Variants in ERMP1 observed in about 807,000 individuals in gnomAD.
ERMP1 encodes the protein endoplasmic reticulum metallopeptidase 1, also known as Felix-ina.
ERMP1 carries 86 observed loss-of-function variants against 92.0 expected under a neutral mutation model. That is an observed-to-expected ratio of 0.93 (90% CI 0.79 to 1.12). ERMP1 has a LOEUF of 1.12. ERMP1 is among the 50% of genes most tolerant of loss of function. The pLI is 0.00. For missense variants in ERMP1, 1,342 were observed against 1,116.3 expected, an observed-to-expected ratio of 1.20 and a Z score of -2.88; for synonymous variants, 530 against 412.8, an observed-to-expected ratio of 1.28 and a Z score of -3.44.
At position 5,813,911 on chromosome 9, in the gene ERMP1, T is replaced by C. The variant is rs1196433843; in HGVS notation, c.875-876A>G. Among the ~76,000 whole-genome samples the C allele has an allele frequency of 5.4e-5, 8 of 149,314 alleles. 1 individual carries two copies. The East Asian group carries it at 5.8e-4, about 11-fold the overall frequency. On this transcript the variant is annotated intron_variant, in intron 4 of 14. Transcript: ENST00000339450. Reference sequence around the variant, plus strand: ...ATATAATTATAATTATATAATTATATGTATAATTGTATAATTATTCACTCT... The same window carrying C: ...ATATAATTATAATTATATAATTATACGTATAATTGTATAATTATTCACTCT...
At chr9:5,790,827 A>T (rs1016698101) in intron 13 of ERMP1, among the ~76,000 whole-genome samples, 12 of 152,250 alleles carry the variant, frequency 7.9e-5, no homozygotes, top group Non-Finnish European at 1.2e-4. Flanking sequence ...AGAGACTCCA[A>T]TATTCCACTC....
At chr9:5,823,846 T>C in intron 4 of ERMP1, 50 bp downstream of exon 4, 2 of 1,300,676 alleles carry the variant, frequency 1.5e-6, no homozygotes, top group South Asian at 1.3e-5. Context: ...CTTTCTACTT[T>C]TACAAAAACT....
intron 6 of ERMP1, among the ~76,000 whole-genome samples, chr9:5,852,861 A>G (rs961903590): frequency 3.3e-5 from 5 of 152,158 alleles, no homozygotes; most frequent in Admixed American, 1.3e-4. Context: ...TGAGATAAAA[A>G]TCCTTTCCTG....
intron 12 of ERMP1, among the ~76,000 whole-genome samples, 163 bp downstream of exon 12, chr9:5,798,643 T>C (rs891680231): frequency 6.6e-6 from 1 of 151,324 alleles, no homozygotes; most frequent in African/African-American, 2.4e-5. Flanking sequence ...CTGAGTGCTT[T>C]ATTCCACTAA....
chr9:5,848,366 C>T (rs377377545), intron 6 of ERMP1, among the ~76,000 whole-genome samples: 20 of 152,246 alleles, frequency 1.3e-4, no homozygotes, highest in African/African-American at 3.8e-4. Flanking sequence ...AAAGCAGGGA[C>T]GTGGATCTGC....
chr9:5,823,246 G>A (rs541911438), intron 4 of ERMP1, among the ~76,000 whole-genome samples: 106 of 151,982 alleles, frequency 7.0e-4, no homozygotes, highest in Non-Finnish European at 1.4e-3. Flanking sequence ...CAGTGCACTC[G>A]AGCCTGGGTG....
chr9:5,805,018 T>A lies in ERMP1; in HGVS notation c.1914+9A>T, dbSNP rs1828817772. On this transcript the variant is annotated intron_variant, in intron 10 of 14. Transcript: ENST00000339450. The stretch of plus-strand genomic sequence containing the variant: ...ATGAAGAAAAAGAAAAAAACTTATT[T>A]TCTCTTACAAAATAGGACGAGAGAA... 2.5e-6 allele frequency: 4 copies of A among 1,584,992 alleles called. No homozygotes were observed. The highest frequency in any genetic ancestry group is 3.4e-6 in the Non-Finnish European group (4 of 1,171,018).
At chr9:5,795,427 A>G (rs1477956608) in intron 13 of ERMP1, among the ~76,000 whole-genome samples, 6 of 152,182 alleles carry the variant, frequency 3.9e-5, no homozygotes, top group Non-Finnish European at 8.8e-5. Context: ...AAAATTATAG[A>G]TATTAGGAAG....
At chr9:5,865,856 A>T (rs1389785288) in intron 5 of ERMP1, among the ~76,000 whole-genome samples, 1 of 145,016 alleles carries the variant, frequency 6.9e-6, no homozygotes, top group Non-Finnish European at 1.5e-5. Flanking sequence ...AAAAAAAAAA[A>T]ATGATAATAT....
At chr9:5,809,036 T>G (rs1828982700) in intron 8 of ERMP1, among the ~76,000 whole-genome samples, 1 of 151,212 alleles carries the variant, frequency 6.6e-6, no homozygotes, top group Non-Finnish European at 1.5e-5. Flanking sequence ...CTAATTTCTT[T>G]TTTTTGAGAC....
intron 4 of ERMP1, among the ~76,000 whole-genome samples, chr9:5,820,490 G>GA (rs1320969705): frequency 6.6e-6 from 1 of 152,088 alleles, no homozygotes; most frequent in Non-Finnish European, 1.5e-5. Context: ...TTCCCAAGAG[G>GA]AAAAAAGATT....
chr9:5,817,011 G>A (rs1277685076), intron 4 of ERMP1, among the ~76,000 whole-genome samples: 6 of 150,248 alleles, frequency 4.0e-5, no homozygotes, highest in East Asian at 2.0e-4. Flanking sequence ...CCATTCTCCT[G>A]CCTCAGCCTC....
At chr9:5,846,854 C>G (rs1386391954) in intron 6 of ERMP1, among the ~76,000 whole-genome samples, 1 of 152,066 alleles carries the variant, frequency 6.6e-6, no homozygotes, top group Non-Finnish European at 1.5e-5. Flanking sequence ...CCGCTTTGAC[C>G]CAAGCAGAAT....
intron 6 of ERMP1, chr9:5,856,229 T>C (rs1830371855): frequency 6.9e-6 from 2 of 289,750 alleles, no homozygotes; most frequent in Admixed American, 4.7e-5. Context: ...TCTCCAACTC[T>C]GACACCATTA....
upstream of ERMP1, among the ~76,000 whole-genome samples, chr9:5,836,237 C>T (rs982997470): frequency 1.3e-5 from 2 of 152,316 alleles, no homozygotes; most frequent in South Asian, 2.1e-4. Flanking sequence ...ACAGGTCATT[C>T]CATAGCCAAT....
At chr9:5,796,584 G>C (rs1828433055) in intron 13 of ERMP1, among the ~76,000 whole-genome samples, 2 of 152,098 alleles carry the variant, frequency 1.3e-5, no homozygotes, top group Admixed American at 6.6e-5. Flanking sequence ...AGATATGGAG[G>C]ATCCCTTAAA....
intron 6 of ERMP1, among the ~76,000 whole-genome samples, chr9:5,851,480 A>G (rs1188326488): frequency 6.6e-6 from 1 of 152,240 alleles, no homozygotes. Context: ...TGGAGAGAAG[A>G]AACACATGCA....
intron 2 of ERMP1, among the ~76,000 whole-genome samples, chr9:5,827,656 T>C (rs775124624): frequency 3.3e-5 from 5 of 150,214 alleles, no homozygotes; most frequent in African/African-American, 9.8e-5. Flanking sequence ...GGTCAGGAGA[T>C]TGAGACCATC....
intron 2 of ERMP1, among the ~76,000 whole-genome samples, 180 bp from the exon 3 acceptor site, chr9:5,825,399 A>AAC (rs1829694603): frequency 6.6e-6 from 1 of 152,160 alleles, no homozygotes; most frequent in Non-Finnish European, 1.5e-5. Flanking sequence ...CCATGAAGGG[A>AAC]TCTTTGTCTG....
Sources: gnomAD v4.1 joint callset for allele counts (sites outside exome capture counted in the v4.1 genomes callset) on GRCh38, gnomAD v4.1.1 for gene constraint, MANE v1.5 for transcripts, NCBI Gene and HGNC (gene_info 2026-07-23, HGNC 2026-07-21) for gene names.